SLC25A48: variants seen among roughly 807,000 people sequenced by gnomAD.
SLC25A48 encodes the protein CTC-321K16.1.
Under a neutral mutation model 32.2 loss-of-function variants are expected in SLC25A48, and 29 were observed. That is an observed-to-expected ratio of 0.90 (90% confidence interval 0.67 to 1.23). The LOEUF is 1.23. Among genes scored for constraint, SLC25A48 ranks in the 50% most tolerant of loss-of-function variants. The probability of loss-of-function intolerance (pLI) is 0.00; values close to 1 mark genes in which losing one functional copy is unlikely to be tolerated. For missense variants in SLC25A48, 399 were observed against 422.7 expected, an observed-to-expected ratio of 0.94 and a Z score of 0.49; for synonymous variants, 164 against 172.3, an observed-to-expected ratio of 0.95 and a Z score of 0.38.
At chr5:135,741,966 CCAATGAAATG>C (rs895589160) in intron 3 of SLC25A48, among the ~76,000 whole-genome samples, 18 of 152,324 alleles carry the variant, frequency 1.2e-4, no homozygotes, top group East Asian at 1.2e-3. Flanking sequence ...GCTACAGAAT[CCAATGAAATG>C]CTTCATTTGA....
intron 3 of SLC25A48, among the ~76,000 whole-genome samples, chr5:135,738,955 G>A (rs889432577): frequency 5.3e-5 from 8 of 152,110 alleles, no homozygotes; most frequent in African/African-American, 1.4e-4. Flanking sequence ...GGTGGCACAC[G>A]CCTGTAATCC....
At chr5:135,886,642 A>G (rs1762735990) in intron 7 of SLC25A48, among the ~76,000 whole-genome samples, 1 of 21,678 alleles carries the variant, frequency 4.6e-5, no homozygotes, top group Non-Finnish European at 7.3e-5. Flanking sequence ...TATATAAAAT[A>G]TATATATGTG....
intron 3 of SLC25A48, among the ~76,000 whole-genome samples, chr5:135,679,662 G>A (rs1580779213): frequency 2.0e-5 from 3 of 152,222 alleles, no homozygotes; most frequent in Admixed American, 2.0e-4. Flanking sequence ...CCAATGGCTT[G>A]TGCTTCAGCT....
chr5:135,782,842 A>T (rs544053769), intron 3 of SLC25A48, among the ~76,000 whole-genome samples: 1 of 118,102 alleles, frequency 8.5e-6, no homozygotes, highest in East Asian at 2.2e-4. Flanking sequence ...GGGGAAGAGG[A>T]TGATATTATT....
chr5:135,789,741 G>GT (rs1554075253), intron 3 of SLC25A48, among the ~76,000 whole-genome samples: 8 of 151,660 alleles, frequency 5.3e-5, no homozygotes, highest in Non-Finnish European at 1.0e-4. Context: ...ATTAAGGGGG[G>GT]ATAGCCTGGT....
intron 1 of SLC25A48, among the ~76,000 whole-genome samples, chr5:135,595,353 C>T (rs989052012): frequency 1.3e-5 from 2 of 152,116 alleles, no homozygotes; most frequent in Non-Finnish European, 2.9e-5. Flanking sequence ...CTCATGGGCT[C>T]TAGGAGGTCA....
chr5:135,669,158 A>C (rs968731324), intron 3 of SLC25A48, among the ~76,000 whole-genome samples: 5 of 152,218 alleles, frequency 3.3e-5, no homozygotes, highest in Admixed American at 3.3e-4. Context: ...ATGAGAGGCC[A>C]GTTGATGTGC....
At chr5:135,805,974 T>G (rs1757455078) in intron 3 of SLC25A48, among the ~76,000 whole-genome samples, 1 of 151,796 alleles carries the variant, frequency 6.6e-6, no homozygotes, top group South Asian at 2.1e-4. Context: ...ATTTGTAATA[T>G]CTTAGGGAGA....
intron 4 of SLC25A48, among the ~76,000 whole-genome samples, chr5:135,825,423 A>T (rs1163412004): frequency 6.6e-6 from 1 of 152,138 alleles, no homozygotes; most frequent in Non-Finnish European, 1.5e-5. Context: ...CTGCAGAGAC[A>T]GAGGAGGCAA....
At chr5:135,597,829 C>T (rs778131993) in intron 1 of SLC25A48, among the ~76,000 whole-genome samples, 35 of 152,096 alleles carry the variant, frequency 2.3e-4, no homozygotes, top group African/African-American at 8.2e-4. Flanking sequence ...CATGGTGAAA[C>T]CTTGCCTCTA....
intron 3 of SLC25A48, among the ~76,000 whole-genome samples, chr5:135,702,293 A>C (rs1754411677): frequency 6.6e-6 from 1 of 152,250 alleles, no homozygotes; most frequent in South Asian, 2.1e-4. Flanking sequence ...ATGCTGGGTT[A>C]GGGTAGGCCC....
intron 3 of SLC25A48, among the ~76,000 whole-genome samples, chr5:135,804,646 T>C (rs1757421971): frequency 6.6e-6 from 1 of 151,652 alleles, no homozygotes; most frequent in South Asian, 2.1e-4. Flanking sequence ...GTGATATTAT[T>C]CTTAATATCA....
chr5:135,723,078 G>C (rs1340584941), intron 3 of SLC25A48, among the ~76,000 whole-genome samples: 2 of 152,198 alleles, frequency 1.3e-5, no homozygotes, highest in Non-Finnish European at 2.9e-5. Context: ...TGCTGAGGAA[G>C]GAGCCAGCCC....
chr5:135,631,607 T>G (rs1436146729), intron 2 of SLC25A48, among the ~76,000 whole-genome samples: 1 of 152,216 alleles, frequency 6.6e-6, no homozygotes, highest in African/African-American at 2.4e-5. Context: ...TTTCCAGAAC[T>G]AATCTGTCCT....
At position 135,590,142 on chromosome 5, in the gene SLC25A48, T is replaced by C. The variant is rs190247201; in HGVS notation, c.-849+10545T>C. Among the ~76,000 whole-genome samples, 295 of 152,358 alleles carry C rather than the reference T, an allele frequency of 1.9e-3. 1 individual carries two copies. The highest frequency in any genetic ancestry group is 4.7e-3 in the African/African-American group (195 of 41,584). ...TGGGAAGTTCTTGTTCAGGGCTCCCTGTACCTATCCCATATCCATGGCAAG... is the reference window on the plus strand; with the variant it reads ...TGGGAAGTTCTTGTTCAGGGCTCCCCGTACCTATCCCATATCCATGGCAAG... On this transcript the variant is annotated intron_variant, in intron 1 of 10. Transcript: ENST00000646290.
At chr5:135,684,610 A>G (rs2126953097) in intron 3 of SLC25A48, among the ~76,000 whole-genome samples, 1 of 152,118 alleles carries the variant, frequency 6.6e-6, no homozygotes, top group Non-Finnish European at 1.5e-5. Flanking sequence ...GCCATGGGTA[A>G]CTCCTGGAGA....
intron 3 of SLC25A48, among the ~76,000 whole-genome samples, chr5:135,760,617 C>G (rs62365687): frequency 6.6e-6 from 1 of 151,896 alleles, no homozygotes; most frequent in African/African-American, 2.4e-5. Context: ...CTGGAGTGAT[C>G]TGGGAAGTTG....
At chr5:135,784,703 C>T (rs1756793921) in intron 3 of SLC25A48, among the ~76,000 whole-genome samples, 1 of 118,250 alleles carries the variant, frequency 8.5e-6, no homozygotes, top group African/African-American at 2.6e-5. Context: ...CTCCCAATAT[C>T]GCAGGAAGTG....
At position 135,690,944 on chromosome 5, in the gene SLC25A48, AT is replaced by A. The variant is rs5871573; in HGVS notation, c.-521+56000del. Among the ~76,000 whole-genome samples the A allele has an allele frequency of 6.0e-3, 894 of 149,394 alleles. 9 individuals are homozygous for A. Among genetic ancestry groups the A allele is most frequent in the African/African-American group, 0.02 (800 of 40,596 alleles). On this transcript the variant is annotated intron_variant, in intron 3 of 10. Transcript: ENST00000646290. ...CCCAAAGTGTGTCTTCAGGGAAGGC[AT>A]TTTTTTTTTTTAATAAAAATCAGCT...
Sources: allele counts gnomAD v4.1 joint callset (sites outside exome capture counted in the v4.1 genomes callset), GRCh38; gene constraint gnomAD v4.1.1; transcripts MANE v1.5; gene names NCBI Gene and HGNC (gene_info 2026-07-23, HGNC 2026-07-21).